Variants in TPM4 observed in about 807,000 individuals in gnomAD.
TPM4 encodes tropomyosin 4.
A neutral mutation model predicts 35.8 loss-of-function variants in TPM4; 17 were observed. The observed-to-expected ratio is 0.47, with a 90% confidence interval of 0.32 to 0.71. The LOEUF is 0.71. Among genes scored for constraint, TPM4 ranks in the 30% least tolerant of loss-of-function variants. TPM4 has a pLI of 0.03. For synonymous variants in TPM4, 120 were observed against 122.9 expected (o/e 0.98, Z 0.15); for missense variants, 240 against 320.9 (o/e 0.75, Z 1.93).
At position 16,082,044 on chromosome 19, in the gene TPM4, G is replaced by A; in HGVS notation, c.264G>A (p.Glu88=). 6.2e-7 allele frequency: 1 copy of A among 1,601,514 alleles called. No individual in the cohort carries two copies. Among genetic ancestry groups the A allele is most frequent in the Non-Finnish European group, 8.5e-7 (1 of 1,169,626 alleles). The part of the protein sequence containing the change: ...EEAEKAADES[E]RGMKVIENRA... The stretch of plus-strand genomic sequence containing the variant: ...CAGAAAAAGCTGCAGATGAGAGTGA[G>A]AGGTAAGGACGCTTTGAATCTGGTG... Residue 88 remains glutamate, a splice_region_variant and synonymous_variant, in exon 2 of 8, where the codon GAG becomes GAA. Transcript: ENST00000643579.
chr19:16,094,537 A>G (rs887665579), intron 7 of TPM4, among the ~76,000 whole-genome samples: 1 of 150,552 alleles, frequency 6.6e-6, no homozygotes, highest in African/African-American at 2.4e-5. Flanking sequence ...CTCCGTCTCA[A>G]AAAAAAAAAA....
intron 5 of TPM4, 60 bp downstream of exon 5, chr19:16,089,180 A>G: frequency 6.2e-7 from 1 of 1,604,364 alleles, no homozygotes; most frequent in Non-Finnish European, 8.5e-7. Flanking sequence ...TCTTCTCCCG[A>G]GGGATGCAGG....
At chr19:16,088,207 C>G in intron 4 of TPM4, 110 bp downstream of exon 4, 2 of 1,474,130 alleles carry the variant, frequency 1.4e-6, no homozygotes, top group South Asian at 2.4e-5. Context: ...CTCAAGTGGA[C>G]GGGCGTCAGG....
In TPM4 at chr19:16,086,546, T is replaced by C; in HGVS notation, c.384+6T>C. The C allele has an allele frequency of 6.2e-7, 1 of 1,608,090 alleles. No individual in the cohort carries two copies. The highest frequency in any genetic ancestry group is 1.3e-5 in the African/African-American group (1 of 74,454). On this transcript the variant is annotated splice_donor_region_variant and intron_variant, in intron 3 of 7. Coordinates refer to ENST00000643579, the MANE Select transcript of TPM4 (RefSeq NM_003290.3). ...CTGACCGCAAATACGAGGAGGTGAGTGGGGCTGGCAGATGGCGCAGCAGCA... is the reference window on the plus strand; with the variant it reads ...CTGACCGCAAATACGAGGAGGTGAGCGGGGCTGGCAGATGGCGCAGCAGCA...
chr19:16,079,881 TA>T (rs2090461328), intron 1 of TPM4: 1 of 175,668 alleles, frequency 5.7e-6, no homozygotes, highest in South Asian at 2.0e-4. Context: ...TTTGTATTTT[TA>T]GTAGAGATGC....
intron 7 of TPM4, chr19:16,095,275 G>C (rs770709069): frequency 9.7e-7 from 1 of 1,026,436 alleles, no homozygotes; most frequent in Admixed American, 5.8e-5. Context: ...TGAGTTATAC[G>C]CTCAGAAGCT....
At chr19:16,094,116 C>T (rs747638406) in intron 7 of TPM4, among the ~76,000 whole-genome samples, 13 of 151,724 alleles carry the variant, frequency 8.6e-5, no homozygotes, top group Non-Finnish European at 1.8e-4. Flanking sequence ...AGGCGTGTGC[C>T]GCCACACCTG....
intron 5 of TPM4, chr19:16,093,173 GTT>G: frequency 5.6e-6 from 1 of 179,744 alleles, no homozygotes; most frequent in African/African-American, 2.4e-5. Flanking sequence ...CTTTCTTTCT[GTT>G]TTTTTTTTGT....
intron 7 of TPM4, among the ~76,000 whole-genome samples, chr19:16,094,050 C>T (rs1262282492): frequency 4.7e-5 from 7 of 147,952 alleles, no homozygotes; most frequent in Non-Finnish European, 5.9e-5. Context: ...CTGCAACCTG[C>T]GCCTCCCGGG....
intron 2 of TPM4, among the ~76,000 whole-genome samples, chr19:16,069,433 G>A (rs1043827535): frequency 5.9e-3 from 153 of 25,752 alleles, no homozygotes; most frequent in Non-Finnish European, 0.01. Flanking sequence ...GTGTATGTGT[G>A]TGAATGAGTG....
intron 2 of TPM4, among the ~76,000 whole-genome samples, chr19:16,069,308 AGT>A (rs1231919045): frequency 4.3e-5 from 5 of 115,154 alleles, no homozygotes; most frequent in Admixed American, 8.8e-5. Flanking sequence ...TGTATGGATG[AGT>A]GTGTGTTTCT....
At chr19:16,078,881 G>A (rs1326176644) in intron 1 of TPM4, among the ~76,000 whole-genome samples, 3 of 151,104 alleles carry the variant, frequency 2.0e-5, no homozygotes, top group South Asian at 4.2e-4. Flanking sequence ...GCCAGGAGCC[G>A]GCGTGTGGTA....
At chr19:16,088,950 A>G (rs1459601058) in intron 4 of TPM4, 95 bp from the exon 5 acceptor site, 13 of 1,589,218 alleles carry the variant, frequency 8.2e-6, no homozygotes, top group African/African-American at 2.7e-5. Context: ...GGAGCTGTGT[A>G]GGTTTCTCCT....
intron 1 of TPM4, chr19:16,081,156 C>T (rs1246333820): frequency 2.0e-5 from 8 of 397,962 alleles, no homozygotes; most frequent in South Asian, 1.3e-4. Context: ...GAGCGGAACT[C>T]ACAGGACACA....
chr19:16,073,686 GCT>G (rs1354893570), upstream of TPM4, among the ~76,000 whole-genome samples: 1 of 151,996 alleles, frequency 6.6e-6, no homozygotes, highest in Non-Finnish European at 1.5e-5. Flanking sequence ...AGCCCTCCCT[GCT>G]CTCTGTCACA....
chr19:16,072,914 A>G (rs886503410), upstream of TPM4, among the ~76,000 whole-genome samples: 4 of 152,178 alleles, frequency 2.6e-5, no homozygotes, highest in Non-Finnish European at 4.4e-5. Context: ...CTCAAAAAAT[A>G]TATCAAAACA....
intron 2 of TPM4, among the ~76,000 whole-genome samples, chr19:16,069,740 A>G (rs1451304604): frequency 2.8e-5 from 3 of 106,030 alleles, no homozygotes; most frequent in Admixed American, 9.1e-5. Flanking sequence ...GTGTGTTTCT[A>G]TTGGGGGGTG....
chr19:16,099,561 G>C (rs1168932029), intron 7 of TPM4: 1 of 152,126 alleles, frequency 6.6e-6, no homozygotes, highest in Non-Finnish European at 1.5e-5. Context: ...TCCAGCCTGG[G>C]CAACAGAGCA....
chr19:16,087,949 T>A (rs772890544), intron 3 of TPM4, 78 bp from the exon 4 acceptor site: 4 of 1,477,836 alleles, frequency 2.7e-6, no homozygotes, highest in Admixed American at 3.9e-5. Flanking sequence ...TGGGGCATCA[T>A]TGGGGGCTGT....
Sources: allele counts gnomAD v4.1 joint callset (sites outside exome capture counted in the v4.1 genomes callset), GRCh38; gene constraint gnomAD v4.1.1; transcripts MANE v1.5; gene names NCBI Gene and HGNC (gene_info 2026-07-23, HGNC 2026-07-21).